Variants in LMTK2 observed in about 807,000 individuals in gnomAD.
The protein encoded by LMTK2 is lemur tail kinase 2.
LMTK2 carries 37 observed loss-of-function variants against 127.5 expected under a neutral mutation model. The ratio of observed to expected loss-of-function variants is 0.29; its 90% confidence interval spans 0.22 to 0.38. LMTK2 has a LOEUF of 0.38. Among genes scored for constraint, LMTK2 ranks in the 10% least tolerant of loss-of-function variants. The pLI is 1.00. For missense variants in LMTK2, 1,694 were observed against 1,920.3 expected, an observed-to-expected ratio of 0.88 and a Z score of 2.20; for synonymous variants, 819 against 810.1, an observed-to-expected ratio of 1.01 and a Z score of -0.19.
chr7:98,191,296 G>A (rs371967015), intron 10 of LMTK2, among the ~76,000 whole-genome samples: 4 of 152,100 alleles, frequency 2.6e-5, no homozygotes, highest in Non-Finnish European at 4.4e-5. Flanking sequence ...GCTCATCCCT[G>A]TAATCCCAGC....
Position 98,194,075 on chromosome 7 carries a change from G to A in LMTK2, c.3610G>A (p.Val1204Met). The change falls in exon 11 of 14, where the codon GTG (valine) becomes ATG (methionine). Residue 1204 changes from valine (V) to methionine (M), a missense_variant. Transcript: ENST00000297293. This position sits in a 1 kb window ranked among gnomAD's most constrained non-coding sequence, Gnocchi z 5.4. ...AGACGAGGCCAGCAGTCCCTGGAGT[G>A]TGCTGAATGCAGAACTTAGCAGCGG... is the stretch of plus-strand genomic sequence containing the variant. ...TEDEASSPWSVLNAELSSGDD... is the reference protein window; with the variant it reads ...TEDEASSPWSMLNAELSSGDD... The A allele has an allele frequency of 6.2e-7, 1 of 1,614,154 alleles. No homozygotes were observed.
intron 6 of LMTK2, among the ~76,000 whole-genome samples, chr7:98,164,477 A>G (rs1244142164): frequency 1.3e-5 from 2 of 152,240 alleles, no homozygotes; most frequent in Non-Finnish European, 1.5e-5. Context: ...TGGCAGTAAT[A>G]CTGTCTCCCC....
chr7:98,165,801 C>T (rs957332896), intron 6 of LMTK2, among the ~76,000 whole-genome samples: 13 of 152,108 alleles, frequency 8.5e-5, no homozygotes, highest in African/African-American at 2.7e-4. Flanking sequence ...GATGACGTGT[C>T]GTTGCCCCTA....
chr7:98,157,699 G>A (rs565429859), intron 5 of LMTK2, among the ~76,000 whole-genome samples: 3 of 151,268 alleles, frequency 2.0e-5, no homozygotes, highest in Admixed American at 6.6e-5. Flanking sequence ...GATGACCTCA[G>A]GGGGATTATG....
intron 10 of LMTK2, among the ~76,000 whole-genome samples, 153 bp downstream of exon 10, chr7:98,191,030 T>C (rs1256200095): frequency 6.6e-6 from 1 of 152,208 alleles, no homozygotes; most frequent in Non-Finnish European, 1.5e-5. Context: ...TGGTTGGCAG[T>C]GATGAAGGTG....
chr7:98,115,483 A>G (rs1352430861), intron 1 of LMTK2, among the ~76,000 whole-genome samples: 1 of 151,942 alleles, frequency 6.6e-6, no homozygotes. Context: ...GGGAGAGAGG[A>G]GAGAGAAATT....
At chr7:98,154,299 A>G (rs1796896543) in intron 4 of LMTK2, among the ~76,000 whole-genome samples, 1 of 152,166 alleles carries the variant, frequency 6.6e-6, no homozygotes. Flanking sequence ...TTTCAGGGCA[A>G]TGATTGATTG....
In LMTK2 at chr7:98,203,698, A is replaced by G; in HGVS notation, c.4232A>G (p.Asp1411Gly). The change falls in exon 12 of 14, where the codon GAC becomes GGC. Residue 1411 changes from aspartate (D) to glycine (G), a missense_variant. Coordinates refer to ENST00000297293, the MANE Select transcript of LMTK2 (RefSeq NM_014916.4). ...SRCINSESST[D>G]EEGGGFEWDD... ...TGCATCAACTCCGAAAGCTCCACCGACGAAGAAGGTATTTCACGTCATTGT... is the reference window on the plus strand; with the variant it reads ...TGCATCAACTCCGAAAGCTCCACCGGCGAAGAAGGTATTTCACGTCATTGT... The G allele has an allele frequency of 1.2e-6, 2 of 1,613,748 alleles. No individual in the cohort carries two copies. The highest frequency in any genetic ancestry group is 1.7e-6 in the Non-Finnish European group (2 of 1,179,956).
intron 3 of LMTK2, among the ~76,000 whole-genome samples, chr7:98,149,119 G>A (rs1344369357): frequency 3.3e-5 from 5 of 152,224 alleles, no homozygotes; most frequent in Non-Finnish European, 7.3e-5. Flanking sequence ...TGTGAGTTAC[G>A]TGAAACAAAG....
At chr7:98,119,985 T>C (rs1341680470) in intron 1 of LMTK2, among the ~76,000 whole-genome samples, 1 of 152,224 alleles carries the variant, frequency 6.6e-6, no homozygotes, top group East Asian at 1.9e-4. Flanking sequence ...TTTGTTGTTA[T>C]ATTTTGATAT....
chr7:98,141,415 G>C lies in LMTK2; in HGVS notation c.250G>C (p.Asp84His). The C allele has an allele frequency of 6.2e-7, 1 of 1,613,710 alleles. No individual in the cohort carries two copies. Among genetic ancestry groups the C allele is most frequent in the Non-Finnish European group, 8.5e-7 (1 of 1,179,694 alleles). The change falls in exon 3 of 14, where the codon GAT becomes CAT. Residue 84 changes from aspartate (D) to histidine (H), a missense_variant. Asp to His is a moderately conservative substitution (Grantham distance 81). Transcript: ENST00000297293. ...IDFKEFEDNF[D>H]DEIDFTPPAE... is the part of the protein sequence containing the mutation. Reference sequence around the variant, plus strand: ...ATTTTAGGAATTTGAAGATAATTTTGATGATGAGATAGATTTCACACCACC... The same window carrying C: ...ATTTTAGGAATTTGAAGATAATTTTCATGATGAGATAGATTTCACACCACC...
At chr7:98,122,442 C>T (rs946463933) in intron 1 of LMTK2, among the ~76,000 whole-genome samples, 43 of 152,228 alleles carry the variant, frequency 2.8e-4, no homozygotes, top group Non-Finnish European at 1.0e-4. Context: ...TTTTGTATAT[C>T]CTTTCAAGAG....
intron 10 of LMTK2, among the ~76,000 whole-genome samples, chr7:98,191,295 T>G (rs955880693): frequency 1.3e-5 from 2 of 152,120 alleles, no homozygotes; most frequent in African/African-American, 4.8e-5. Flanking sequence ...GGCTCATCCC[T>G]GTAATCCCAG....
In LMTK2 at chr7:98,193,084, T is replaced by G; in HGVS notation, c.2619T>G (p.Asp873Glu). The G allele has an allele frequency of 2.5e-6, 4 of 1,613,826 alleles. No individual in the cohort carries two copies. The highest frequency in any genetic ancestry group is 3.4e-6 in the Non-Finnish European group (4 of 1,180,032). The change falls in exon 11 of 14, where the codon GAT becomes GAG. Residue 873 changes from aspartate (D) to glutamate (E), a missense_variant. Asp to Glu is a conservative substitution (Grantham distance 45). Transcript: ENST00000297293. The surrounding 1 kb of genome is among the most constrained non-coding windows in gnomAD (Gnocchi z 4.1). ...VTVPVEILST[D>E]ARTHSLDNRS... is the part of the protein sequence containing the mutation. The stretch of plus-strand genomic sequence containing the variant: ...TCCCGGTTGAAATTCTCTCAACTGA[T>G]GCCAGAACCCACAGCCTGGATAACA...
chr7:98,155,073 A>C (rs1288848343), intron 5 of LMTK2, among the ~76,000 whole-genome samples, 197 bp downstream of exon 5: 1 of 152,256 alleles, frequency 6.6e-6, no homozygotes, highest in African/African-American at 2.4e-5. Flanking sequence ...AGCCTAAACC[A>C]GAAAAGACAA....
chr7:98,117,489 G>A (rs1188809356), intron 1 of LMTK2, among the ~76,000 whole-genome samples: 1 of 151,978 alleles, frequency 6.6e-6, no homozygotes, highest in East Asian at 1.9e-4. Context: ...TTTGGCCATC[G>A]AGAGCTCTTT....
Position 98,146,030 on chromosome 7 carries a change from A to G in LMTK2, c.376+4489A>G, listed in dbSNP as rs538631279. Among the ~76,000 whole-genome samples the G allele has an allele frequency of 1.5e-4, 23 of 152,316 alleles. No homozygotes were observed. The South Asian group carries it at 4.8e-3, about 32-fold the overall frequency. Reference sequence around the variant, plus strand: ...CACCTTAATTCTTGTATACGTGGATATCCAGTTGTCTCACTTAACAGTGTT... The same window carrying G: ...CACCTTAATTCTTGTATACGTGGATGTCCAGTTGTCTCACTTAACAGTGTT... On this transcript the variant is annotated intron_variant, in intron 3 of 13. Coordinates refer to ENST00000297293, the MANE Select transcript of LMTK2 (RefSeq NM_014916.4).
intron 7 of LMTK2, among the ~76,000 whole-genome samples, chr7:98,174,370 A>G (rs887025826): frequency 4.6e-5 from 7 of 152,152 alleles, no homozygotes; most frequent in South Asian, 4.1e-4. Context: ...ATTTCTACCT[A>G]TTGTTTAAGA....
chr7:98,114,294 G>A (rs1383750319), intron 1 of LMTK2, among the ~76,000 whole-genome samples: 8 of 145,460 alleles, frequency 5.5e-5, no homozygotes, highest in Non-Finnish European at 1.2e-4. Context: ...AGGCTGGAAT[G>A]CAGTGGTGCA....
Sources: allele counts gnomAD v4.1 joint callset (sites outside exome capture counted in the v4.1 genomes callset), GRCh38; gene constraint gnomAD v4.1.1; non-coding constraint Gnocchi (gnomAD v3.1); transcripts MANE v1.5; gene names NCBI Gene and HGNC (gene_info 2026-07-23, HGNC 2026-07-21).